The following ATP2C1 variants were observed in gnomAD, a reference collection of about 807,000 sequenced individuals.
The protein encoded by ATP2C1 is ATPase secretory pathway Ca2+ transporting 1.
A neutral mutation model predicts 120.5 loss-of-function variants in ATP2C1; 31 were observed. That is an observed-to-expected ratio of 0.26 (90% confidence interval 0.19 to 0.35). The LOEUF (loss-of-function observed/expected upper bound fraction) is 0.35. Ranked by LOEUF, ATP2C1 falls within the 10% of genes least tolerant of loss-of-function variation. The pLI, the probability that ATP2C1 is intolerant of heterozygous loss-of-function variation, is 1.00. For synonymous variants in ATP2C1, 351 were observed against 358.7 expected (o/e 0.98, Z 0.24); for missense variants, 731 against 1,107.5 (o/e 0.66, Z 4.83).
chr3:130,980,196 C>A (rs2061694379), intron 19 of ATP2C1, among the ~76,000 whole-genome samples: 1 of 152,020 alleles, frequency 6.6e-6, no homozygotes, highest in South Asian at 2.1e-4. Context: ...TGAGCAGAAC[C>A]TGATTGGCCT....
intron 27 of ATP2C1, among the ~76,000 whole-genome samples, chr3:131,000,243 A>G (rs966753073): frequency 8.5e-5 from 13 of 152,312 alleles, no homozygotes; most frequent in African/African-American, 2.6e-4. Flanking sequence ...CAGTAATGCT[A>G]TCCTTTATTG....
chr3:130,929,923 T>A (rs1407862133), intron 2 of ATP2C1: 4 of 224,680 alleles, frequency 1.8e-5, no homozygotes, highest in Non-Finnish European at 3.6e-5. Flanking sequence ...TGAATAGCTC[T>A]TAAAGTCTGA....
intron 1 of ATP2C1, among the ~76,000 whole-genome samples, chr3:130,858,490 C>T (rs1303282692): frequency 6.6e-6 from 1 of 152,194 alleles, no homozygotes; most frequent in South Asian, 2.1e-4. Flanking sequence ...TTCCACCTTG[C>T]TTCATTACAT....
At chr3:131,010,407 G>A (rs1560048109) in intron 26 of ATP2C1, among the ~76,000 whole-genome samples, 2 of 151,748 alleles carry the variant, frequency 1.3e-5, no homozygotes, top group Admixed American at 6.6e-5. Context: ...TGTTAGCCAG[G>A]ATGGTCTCGA....
chr3:130,952,606 A>G (rs956044980), intron 8 of ATP2C1, among the ~76,000 whole-genome samples: 9 of 152,214 alleles, frequency 5.9e-5, no homozygotes, highest in Non-Finnish European at 1.3e-4. Context: ...TATCAGTGAT[A>G]CTGTGCAGTA....
intron 16 of ATP2C1, among the ~76,000 whole-genome samples, chr3:130,968,302 G>A (rs1181965231): frequency 1.3e-5 from 2 of 152,208 alleles, no homozygotes; most frequent in African/African-American, 4.8e-5. Flanking sequence ...TTCTTTGAGG[G>A]ATAAAGAATA....
At chr3:130,932,270 T>A in intron 4 of ATP2C1, 132 bp downstream of exon 4, 1 of 670,580 alleles carries the variant, frequency 1.5e-6, no homozygotes. Flanking sequence ...ACCTAAAATT[T>A]TTCATTTGTT....
intron 1 of ATP2C1, among the ~76,000 whole-genome samples, chr3:130,866,491 C>T (rs2068181037): frequency 6.6e-6 from 1 of 152,202 alleles, no homozygotes; most frequent in Non-Finnish European, 1.5e-5. Context: ...GCCTGATACA[C>T]CTAGTCAAAG....
At chr3:130,954,644 C>T (rs1264875222) in intron 9 of ATP2C1, among the ~76,000 whole-genome samples, 1 of 152,048 alleles carries the variant, frequency 6.6e-6, no homozygotes, top group African/African-American at 2.4e-5. Flanking sequence ...TCCCACCATG[C>T]CTGGCTAATT....
At position 130,917,159 on chromosome 3, in the gene ATP2C1, C is replaced by T. The variant is rs543410765; in HGVS notation, c.7-13257C>T. ...AGGCTTTGTATTAGATTATTTTGCT[C>T]AACTGTAGGCTAATGTAAGTGTTGC... On this transcript the variant is annotated intron_variant, in intron 2 of 27. Coordinates refer to ENST00000510168, the MANE Select transcript of ATP2C1 (RefSeq NM_001378687.1). Among the ~76,000 whole-genome samples the T allele has an allele frequency of 2.0e-5, 3 of 152,146 alleles. No individual in the cohort carries two copies. In the South Asian group the frequency reaches 6.2e-4, roughly 32 times the overall value.
At position 130,894,405 on chromosome 3, in the gene ATP2C1, C is replaced by T; in HGVS notation, c.-181+68C>T. The stretch of plus-strand genomic sequence containing the variant: ...CCAGGTTCTGAAGGAAGGGGAGGTT[C>T]GGGTATCCCCTGGATGGGGGGGCAT... On this transcript the variant is annotated intron_variant, in intron 1 of 27. Coordinates refer to ENST00000510168, the MANE Select transcript of ATP2C1 (RefSeq NM_001378687.1). This position sits in a 1 kb window ranked among gnomAD's most constrained non-coding sequence, Gnocchi z 4.5. The T allele has an allele frequency of 1.7e-6, 2 of 1,185,624 alleles. No homozygotes were observed. The highest frequency in any genetic ancestry group is 2.1e-6 in the Non-Finnish European group (2 of 948,920). 73.4% of individuals were successfully genotyped at this position (1,185,624 alleles called of 1,614,324 possible). A position where few individuals can be genotyped will look rare whatever the true frequency, so the allele number is the denominator to read the frequency against.
upstream of ATP2C1, among the ~76,000 whole-genome samples, chr3:130,892,180 A>G (rs1329521865): frequency 6.6e-6 from 1 of 152,258 alleles, no homozygotes; most frequent in Non-Finnish European, 1.5e-5. Context: ...GTTGCTTTAG[A>G]AAAATGTTTC....
chr3:130,959,390 C>A, intron 12 of ATP2C1, 49 bp downstream of exon 12: 2 of 1,258,010 alleles, frequency 1.6e-6, no homozygotes, highest in Non-Finnish European at 2.3e-6. Context: ...TCTTTTATTT[C>A]TCTAATGGAC....
chr3:130,988,065 C>T (rs2062109361), intron 20 of ATP2C1, among the ~76,000 whole-genome samples: 1 of 152,126 alleles, frequency 6.6e-6, no homozygotes, highest in African/African-American at 2.4e-5. Flanking sequence ...ATCTATTCAC[C>T]AAGTCCCCAT....
chr3:130,980,248 CTTT>C (rs139503041), intron 19 of ATP2C1, among the ~76,000 whole-genome samples: 7 of 139,844 alleles, frequency 5.0e-5, no homozygotes, highest in African/African-American at 5.2e-5. Context: ...AGTCAAAATT[CTTT>C]TTTTTTTTTT....
chr3:130,940,376 TTTTA>T (rs1461234569), intron 6 of ATP2C1, among the ~76,000 whole-genome samples: 25 of 152,208 alleles, frequency 1.6e-4, no homozygotes, highest in African/African-American at 6.0e-4. Context: ...CAGTTTTCAT[TTTTA>T]TTCTAAATAA....
intron 1 of ATP2C1, among the ~76,000 whole-genome samples, chr3:130,875,461 T>A (rs188754914): frequency 6.6e-6 from 1 of 152,350 alleles, no homozygotes; most frequent in Admixed American, 6.5e-5. Context: ...AGGACTTAAT[T>A]CTTATTTATA....
Position 130,975,662 on chromosome 3 carries a change from A to G in ATP2C1, c.1570+174A>G, listed in dbSNP as rs12634312. Among the ~76,000 whole-genome samples the G allele has an allele frequency of 2.2e-3, 334 of 152,324 alleles. 6 individuals are homozygous for G. The East Asian group carries it at 0.054, about 25-fold the overall frequency. On this transcript the variant is annotated intron_variant, in intron 18 of 27. Coordinates refer to ENST00000510168, the MANE Select transcript of ATP2C1 (RefSeq NM_001378687.1). ...GTTAATTGGCCCTCAAAAGATGGAA[A>G]TTTGAGAATGTAGCAAAATATGAAT...
chr3:130,851,120 A>G (rs368166026), intron 1 of ATP2C1, among the ~76,000 whole-genome samples: 4 of 152,338 alleles, frequency 2.6e-5, no homozygotes, highest in African/African-American at 9.6e-5. Flanking sequence ...TGGAACATTC[A>G]GATCCTGAGA....
Sources: gnomAD v4.1 joint callset for allele counts (sites outside exome capture counted in the v4.1 genomes callset) on GRCh38, gnomAD v4.1.1 for gene constraint, Gnocchi (gnomAD v3.1) non-coding constraint, MANE v1.5 for transcripts, NCBI Gene and HGNC (gene_info 2026-07-23, HGNC 2026-07-21) for gene names.